The following NRG1 variants were observed in gnomAD, a reference collection of about 807,000 sequenced individuals.
The protein encoded by NRG1 is pro-neuregulin-1, membrane-bound isoform.
NRG1 carries 18 observed loss-of-function variants against 63.8 expected under a neutral mutation model. The observed-to-expected ratio is 0.28, with a 90% CI of 0.19 to 0.42. NRG1 has a LOEUF of 0.42. NRG1 is among the 10% of genes least tolerant of loss of function. NRG1 has a pLI of 1.00. For missense variants in NRG1, 762 were observed against 814.7 expected (o/e 0.94, Z 0.79); for synonymous variants, 302 against 301.3 (o/e 1.00, Z -0.02).
chr8:31,762,132 C>T, intron 1 of NRG1, among the ~76,000 whole-genome samples: 1 of 152,172 alleles, frequency 6.6e-6, no homozygotes, highest in African/African-American at 2.4e-5. Context: ...GCAGAACATG[C>T]AAGTTGGTTA....
intron 1 of NRG1, among the ~76,000 whole-genome samples, chr8:31,696,605 A>G (rs556525830): frequency 6.6e-6 from 1 of 152,246 alleles, no homozygotes; most frequent in African/African-American, 2.4e-5. Flanking sequence ...TATACCCATT[A>G]TATAATCCTA....
intron 1 of NRG1, among the ~76,000 whole-genome samples, chr8:31,963,506 T>C (rs981662645): frequency 1.3e-5 from 2 of 152,228 alleles, no homozygotes; most frequent in African/African-American, 4.8e-5. Context: ...TAACAGTTTG[T>C]AAGCCAATGA....
intron 1 of NRG1, among the ~76,000 whole-genome samples, chr8:32,503,853 G>C (rs1055118162): frequency 2.0e-5 from 3 of 152,130 alleles, no homozygotes; most frequent in Non-Finnish European, 4.4e-5. Context: ...GAGATCAGGT[G>C]CACCGTTTGA....
intron 1 of NRG1, among the ~76,000 whole-genome samples, chr8:32,202,552 T>C (rs1203852606): frequency 6.6e-6 from 1 of 152,108 alleles, no homozygotes; most frequent in Non-Finnish European, 1.5e-5. Context: ...ACCCAGTGTG[T>C]CCTGAATTCT....
chr8:32,026,061 C>T lies in NRG1; in HGVS notation c.37+386630C>T, dbSNP rs192575032. ...ACATTTACTAAGTTTAGAGCATATA[C>T]AATCTTTTTTTCTTTTTTTTTTTTT... is the stretch of plus-strand genomic sequence containing the variant. On this transcript the variant is annotated intron_variant, in intron 1 of 10. Transcript: ENST00000519301. 3.8e-3 allele frequency among the ~76,000 whole-genome samples: 518 copies of T among 136,534 alleles called. 2 individuals carry two copies. The highest frequency in any genetic ancestry group is 0.013 in the African/African-American group (492 of 37,358). The allele number at this position is 136,534 out of a possible 152,430, so 89.6% of individuals were successfully genotyped here.
At chr8:31,999,570 G>C (rs1352593929) in intron 1 of NRG1, among the ~76,000 whole-genome samples, 1 of 151,864 alleles carries the variant, frequency 6.6e-6, no homozygotes, top group African/African-American at 2.4e-5. Flanking sequence ...TTGACTTCTG[G>C]AACTTACCTT....
At chr8:32,752,735 G>A (rs1564109142) in intron 7 of NRG1, among the ~76,000 whole-genome samples, 1 of 151,978 alleles carries the variant, frequency 6.6e-6, no homozygotes, top group Non-Finnish European at 1.5e-5. Context: ...CTGTCCTCTT[G>A]GTTTGTTTTT....
At chr8:32,229,256 A>G (rs1846651037) in intron 1 of NRG1, among the ~76,000 whole-genome samples, 1 of 152,202 alleles carries the variant, frequency 6.6e-6, no homozygotes, top group Non-Finnish European at 1.5e-5. Context: ...CCAAGAAAAT[A>G]GCAACCACAG....
chr8:31,774,508 G>T (rs1455118017), intron 1 of NRG1, among the ~76,000 whole-genome samples: 12 of 152,174 alleles, frequency 7.9e-5, no homozygotes, highest in African/African-American at 2.9e-4. Flanking sequence ...CTTTGAATGG[G>T]TGAAAGAGAA....
At chr8:32,299,975 AGGGTTCAGATT>A (rs540443824) in intron 1 of NRG1, among the ~76,000 whole-genome samples, 131 of 152,328 alleles carry the variant, frequency 8.6e-4, no homozygotes, top group African/African-American at 3.1e-3. Flanking sequence ...AGAGAAGGAC[AGGGTTCAGATT>A]GAATCATTTT....
At chr8:32,408,955 A>G (rs1814499642) in intron 1 of NRG1, among the ~76,000 whole-genome samples, 1 of 151,956 alleles carries the variant, frequency 6.6e-6, no homozygotes, top group Non-Finnish European at 1.5e-5. Context: ...TGTACTCATT[A>G]TTTAGTTCTT....
chr8:32,322,882 A>G (rs1454715647), intron 1 of NRG1, among the ~76,000 whole-genome samples: 7 of 144,476 alleles, frequency 4.8e-5, no homozygotes. Context: ...TTTCATACTT[A>G]TAACAAAGCG....
chr8:32,153,961 G>A (rs959272746), intron 1 of NRG1, among the ~76,000 whole-genome samples: 1 of 152,270 alleles, frequency 6.6e-6, no homozygotes, highest in Admixed American at 6.5e-5. Flanking sequence ...GAAACTACAT[G>A]GTTTCATCCA....
At chr8:31,655,255 C>T (rs1276822858) in intron 1 of NRG1, among the ~76,000 whole-genome samples, 1 of 152,182 alleles carries the variant, frequency 6.6e-6, no homozygotes, top group African/African-American at 2.4e-5. Context: ...AGAAATTAGA[C>T]ATGCCCCTTT....
At chr8:32,650,987 A>G (rs1277356887) in intron 5 of NRG1, among the ~76,000 whole-genome samples, 1 of 152,116 alleles carries the variant, frequency 6.6e-6, no homozygotes, top group Admixed American at 6.6e-5. Context: ...AGTAGAAGAG[A>G]GACAATCCCA....
At chr8:32,748,754 G>T in intron 7 of NRG1, 1 of 453,806 alleles carries the variant, frequency 2.2e-6, no homozygotes. Context: ...CCTAGGAATT[G>T]GATCTTTCCC....
At chr8:32,300,805 C>T (rs186836032) in intron 1 of NRG1, among the ~76,000 whole-genome samples, 44 of 152,234 alleles carry the variant, frequency 2.9e-4, no homozygotes, top group African/African-American at 8.9e-4. Flanking sequence ...ATGTTGTTTT[C>T]GAGTCACAGA....
intron 1 of NRG1, among the ~76,000 whole-genome samples, chr8:31,645,214 A>AC (rs1247902172): frequency 6.6e-6 from 1 of 152,146 alleles, no homozygotes. Context: ...TGGCTAGTTT[A>AC]CCCCCAACCT....
chr8:32,516,419 T>A (rs1488377807), intron 1 of NRG1, among the ~76,000 whole-genome samples: 1 of 152,192 alleles, frequency 6.6e-6, no homozygotes. Context: ...AGGCTCCCTT[T>A]TGGATCCATA....
Sources: allele counts gnomAD v4.1 joint callset (sites outside exome capture counted in the v4.1 genomes callset), GRCh38; gene constraint gnomAD v4.1.1; transcripts MANE v1.5; gene names NCBI Gene and HGNC (gene_info 2026-07-23, HGNC 2026-07-21).